CREB3L2: variants seen among roughly 807,000 people sequenced by gnomAD.
The protein encoded by CREB3L2 is cAMP responsive element binding protein 3 like 2.
In CREB3L2, 23 loss-of-function variants were observed where a neutral mutation model predicts 57.2. The observed-to-expected ratio is 0.40, with a 90% CI of 0.29 to 0.57. The LOEUF (loss-of-function observed/expected upper bound fraction) is 0.57. Among genes scored for constraint, CREB3L2 ranks in the 20% least tolerant of loss-of-function variants. The probability of loss-of-function intolerance (pLI) is 0.42; values close to 1 mark genes in which losing one functional copy is unlikely to be tolerated. For missense variants in CREB3L2, 628 were observed against 634.7 expected (o/e 0.99, Z 0.11); for synonymous variants, 268 against 265.1 (o/e 1.01, Z -0.11).
intron 1 of CREB3L2, among the ~76,000 whole-genome samples, chr7:137,977,922 A>C (rs1348449584): frequency 6.6e-6 from 1 of 151,776 alleles, no homozygotes; most frequent in South Asian, 2.1e-4. Flanking sequence ...CTAAGAAAGA[A>C]AAGAAAGGAA....
intron 1 of CREB3L2, among the ~76,000 whole-genome samples, chr7:137,930,195 C>T (rs1800585631): frequency 6.6e-6 from 1 of 152,110 alleles, no homozygotes; most frequent in Non-Finnish European, 1.5e-5. Flanking sequence ...CTGTGCCCGG[C>T]CAATAAAATG....
At chr7:137,906,130 C>T (rs1006708956) in intron 5 of CREB3L2, among the ~76,000 whole-genome samples, 2 of 152,178 alleles carry the variant, frequency 1.3e-5, no homozygotes, top group Non-Finnish European at 2.9e-5. Flanking sequence ...CTCGCTAAAA[C>T]ATGAAAAGAA....
intron 11 of CREB3L2, 35 bp downstream of exon 11, chr7:137,882,377 A>G (rs1367080343): frequency 2.0e-6 from 3 of 1,523,418 alleles, no homozygotes; most frequent in South Asian, 1.2e-5. Context: ...CCATCAGTGC[A>G]CTAGAGGAGT....
At chr7:137,917,151 C>T (rs950085872) in intron 2 of CREB3L2, among the ~76,000 whole-genome samples, 2 of 152,188 alleles carry the variant, frequency 1.3e-5, no homozygotes, top group Non-Finnish European at 2.9e-5. Flanking sequence ...TGGGTCTTGT[C>T]TTTCCTGATT....
At chr7:137,903,858 G>T in intron 7 of CREB3L2, 101 bp downstream of exon 7, 1 of 1,004,688 alleles carries the variant, frequency 1.0e-6, no homozygotes, top group Non-Finnish European at 1.6e-6. Flanking sequence ...TTCCAAGGTG[G>T]CCAGAAAGAG....
intron 1 of CREB3L2, among the ~76,000 whole-genome samples, chr7:137,945,303 T>C (rs1023061524): frequency 4.6e-5 from 7 of 152,256 alleles, no homozygotes; most frequent in African/African-American, 1.7e-4. Context: ...GTAGTGTTAA[T>C]ACGGTTTTTT....
chr7:137,964,159 T>C (rs1395145842), intron 1 of CREB3L2, among the ~76,000 whole-genome samples: 1 of 151,906 alleles, frequency 6.6e-6, no homozygotes, highest in African/African-American at 2.4e-5. Flanking sequence ...CTACTAAAAA[T>C]ACAAAAATTA....
At chr7:137,912,296 G>C (rs906894635) in intron 4 of CREB3L2, among the ~76,000 whole-genome samples, 5 of 151,024 alleles carry the variant, frequency 3.3e-5, no homozygotes, top group African/African-American at 1.2e-4. Flanking sequence ...AGAATCGCTT[G>C]AACCTGGGAG....
At chr7:137,964,743 G>T (rs1052730872) in intron 1 of CREB3L2, among the ~76,000 whole-genome samples, 4 of 152,174 alleles carry the variant, frequency 2.6e-5, no homozygotes, top group Admixed American at 2.6e-4. Context: ...GTTTGGCTTT[G>T]TTCCCACCCA....
intron 1 of CREB3L2, among the ~76,000 whole-genome samples, chr7:137,987,406 C>CA (rs1184557447): frequency 6.6e-6 from 1 of 151,892 alleles, no homozygotes; most frequent in Non-Finnish European, 1.5e-5. Flanking sequence ...AAACAAAAAA[C>CA]AAAAAACAGG....
At chr7:137,967,693 C>G (rs768622525) in intron 1 of CREB3L2, among the ~76,000 whole-genome samples, 3 of 152,200 alleles carry the variant, frequency 2.0e-5, no homozygotes, top group Non-Finnish European at 4.4e-5. Context: ...TCCTGTGGCC[C>G]CTGCTCCCGA....
At chr7:137,893,967 C>T (rs1391247982) in intron 8 of CREB3L2, among the ~76,000 whole-genome samples, 1 of 152,142 alleles carries the variant, frequency 6.6e-6, no homozygotes, top group Non-Finnish European at 1.5e-5. Flanking sequence ...GGCTGCTTGC[C>T]AAAATGTGGT....
In CREB3L2 at chr7:137,983,058, C is replaced by T. The variant is rs76099841; in HGVS notation, c.102+18546G>A. Among the ~76,000 whole-genome samples, 68 of 152,320 alleles carry T rather than the reference C, an allele frequency of 4.5e-4. No individual in the cohort carries two copies. The East Asian group carries it at 0.012, about 28-fold the overall frequency. The stretch of plus-strand genomic sequence containing the variant: ...AGAAATAAATACCTGTTGTTTAAGT[C>T]ACCCATCTGTAGCATTTTATTATAG... On this transcript the variant is annotated intron_variant, in intron 1 of 11. Coordinates refer to ENST00000330387, the MANE Select transcript of CREB3L2 (RefSeq NM_194071.4).
Position 137,975,667 on chromosome 7 carries a change from C to T in CREB3L2, c.102+25937G>A, listed in dbSNP as rs10236609. 5.0e-3 allele frequency among the ~76,000 whole-genome samples: 767 copies of T among 152,176 alleles called. 5 individuals carry two copies. The highest frequency in any genetic ancestry group is 0.017 in the African/African-American group (726 of 41,498). ...TAGATGCTCTCTGCGTCTTCCAGCACCTCAACATCCAATTGTAAAATAGCA... is the reference window on the plus strand; with the variant it reads ...TAGATGCTCTCTGCGTCTTCCAGCATCTCAACATCCAATTGTAAAATAGCA... On this transcript the variant is annotated intron_variant, in intron 1 of 11. Coordinates refer to ENST00000330387, the MANE Select transcript of CREB3L2 (RefSeq NM_194071.4).
In CREB3L2 at chr7:137,875,536, A is replaced by C; in HGVS notation, c.*4940T>G. 1 of 223,060 alleles carries C rather than the reference A, an allele frequency of 4.5e-6. No individual in the cohort carries two copies. Among genetic ancestry groups the C allele is most frequent in the Non-Finnish European group, 9.0e-6 (1 of 111,542 alleles). 13.8% of individuals were successfully genotyped at this position (223,060 alleles called of 1,614,324 possible). A position where few individuals can be genotyped will look rare whatever the true frequency, so the allele number is the denominator to read the frequency against. On this transcript the variant is annotated 3_prime_UTR_variant, in exon 12 of 12. Coordinates refer to ENST00000330387, the MANE Select transcript of CREB3L2 (RefSeq NM_194071.4). ...GGAACTCACAGAAGATTGGAACAAA[A>C]AGATAGGAGATGGACACCTGGGGGA...
chr7:137,963,107 A>G (rs1422911545), intron 1 of CREB3L2, among the ~76,000 whole-genome samples: 1 of 152,074 alleles, frequency 6.6e-6, no homozygotes, highest in Non-Finnish European at 1.5e-5. Context: ...TTCCTTCTGG[A>G]TCCCAAGCCT....
chr7:137,971,597 C>T (rs1251919795), intron 1 of CREB3L2, among the ~76,000 whole-genome samples: 2 of 152,014 alleles, frequency 1.3e-5, no homozygotes, highest in East Asian at 1.9e-4. Flanking sequence ...CTCTGCAACC[C>T]GAATCCCCTG....
intron 1 of CREB3L2, among the ~76,000 whole-genome samples, chr7:137,995,333 C>CTTTCTT (rs774300936): frequency 3.4e-5 from 3 of 87,428 alleles, no homozygotes; most frequent in African/African-American, 1.4e-4. Flanking sequence ...TCTTTTCTTT[C>CTTTCTT]TTTTTTTTTT....
rs1013388122 is a variant in CREB3L2, at chr7:137,956,575, A to G, written c.103-28209T>C. 1.5e-5 allele frequency: 19 copies of G among 1,288,240 alleles called. No homozygotes were observed. The African/African-American group carries it at 1.7e-4, about 11-fold the overall frequency. The allele number at this position is 1,288,240 out of a possible 1,614,324, so 79.8% of individuals were successfully genotyped here. ...ACTGCCATTGCACTCTCTACCTTCCATCTTTCAGGTCCTGGCAATCCTTCA... is the reference window on the plus strand; with the variant it reads ...ACTGCCATTGCACTCTCTACCTTCCGTCTTTCAGGTCCTGGCAATCCTTCA... On this transcript the variant is annotated intron_variant, in intron 1 of 11. Transcript: ENST00000330387.
Sources: gnomAD v4.1 joint callset for allele counts (sites outside exome capture counted in the v4.1 genomes callset) on GRCh38, gnomAD v4.1.1 for gene constraint, MANE v1.5 for transcripts, NCBI Gene and HGNC (gene_info 2026-07-23, HGNC 2026-07-21) for gene names.